Variants in PARD3 observed in about 807,000 individuals in gnomAD.
The protein encoded by PARD3 is partitioning defective 3 homolog.
In PARD3, 75 loss-of-function variants were observed where a neutral mutation model predicts 155.4. The observed-to-expected ratio is 0.48, with a 90% CI of 0.40 to 0.58. The LOEUF is 0.58. Among genes scored for constraint, PARD3 ranks in the 20% least tolerant of loss-of-function variants. PARD3 has a pLI of 0.00. For synonymous variants in PARD3, 576 were observed against 610.5 expected (o/e 0.94, Z 0.83); for missense variants, 1,642 against 1,721.7 (o/e 0.95, Z 0.82).
intron 2 of PARD3, among the ~76,000 whole-genome samples, chr10:34,542,342 G>A (rs983924021): frequency 2.0e-5 from 3 of 152,036 alleles, no homozygotes; most frequent in African/African-American, 7.2e-5. Flanking sequence ...GCCCCCAGGG[G>A]ACACTGGCAG....
At chr10:34,704,664 C>G (rs895153595) in intron 1 of PARD3, among the ~76,000 whole-genome samples, 2 of 152,190 alleles carry the variant, frequency 1.3e-5, no homozygotes, top group African/African-American at 2.4e-5. Context: ...GAAAAGGCAA[C>G]CTCTCCCAAA....
chr10:34,787,704 A>C (rs910215277), intron 1 of PARD3, among the ~76,000 whole-genome samples: 7 of 152,106 alleles, frequency 4.6e-5, no homozygotes, highest in Non-Finnish European at 8.8e-5. Context: ...GTCATAATCC[A>C]GTCAGGCTAG....
chr10:34,552,018 G>A (rs944356451), intron 2 of PARD3, among the ~76,000 whole-genome samples: 3 of 152,328 alleles, frequency 2.0e-5, no homozygotes, highest in East Asian at 1.9e-4. Flanking sequence ...AATAGTGTAT[G>A]TCCAAAATTG....
At chr10:34,720,089 G>A in intron 1 of PARD3, among the ~76,000 whole-genome samples, 1 of 152,304 alleles carries the variant, frequency 6.6e-6, no homozygotes. Flanking sequence ...ATTTCCCCCT[G>A]AAGTAAATAC....
At chr10:34,219,668 GC>G (rs1952181138) in intron 22 of PARD3, among the ~76,000 whole-genome samples, 1 of 152,126 alleles carries the variant, frequency 6.6e-6, no homozygotes. Context: ...ACCTCAGCCT[GC>G]CCCCTGGTTT....
chr10:34,799,548 T>A (rs1207369985), intron 1 of PARD3, among the ~76,000 whole-genome samples: 1 of 152,148 alleles, frequency 6.6e-6, no homozygotes, highest in Non-Finnish European at 1.5e-5. Flanking sequence ...CATAAGCCAT[T>A]CAAGCAAACC....
intron 1 of PARD3, among the ~76,000 whole-genome samples, chr10:34,727,811 C>T (rs539289077): frequency 7.6e-6 from 1 of 131,938 alleles, no homozygotes; most frequent in African/African-American, 2.9e-5. Context: ...CCCCCTCCCT[C>T]CACCACACAC....
At chr10:34,123,231 G>A (rs970720595) in intron 23 of PARD3, among the ~76,000 whole-genome samples, 5 of 152,146 alleles carry the variant, frequency 3.3e-5, no homozygotes, top group African/African-American at 1.2e-4. Flanking sequence ...ACAGGATGCT[G>A]GAGAGCCATG....
chr10:34,709,899 A>C (rs932597492), intron 1 of PARD3, among the ~76,000 whole-genome samples: 1 of 152,122 alleles, frequency 6.6e-6, no homozygotes, highest in Non-Finnish European at 1.5e-5. Flanking sequence ...TGGGAAACCA[A>C]ATTAATTTTA....
At chr10:34,340,653 T>A (rs1836708657) in intron 16 of PARD3, among the ~76,000 whole-genome samples, 1 of 152,154 alleles carries the variant, frequency 6.6e-6, no homozygotes, top group Non-Finnish European at 1.5e-5. Flanking sequence ...CTGTATTTTG[T>A]GTGTTCATGT....
rs1946329263 is a variant in PARD3, at chr10:34,110,116, T to C, written c.*1053A>G. 1 of 152,190 alleles carries C rather than the reference T, an allele frequency of 6.6e-6. No individual in the cohort carries two copies. Among genetic ancestry groups the C allele is most frequent in the Non-Finnish European group, 1.5e-5 (1 of 68,048 alleles). The allele number at this position is 152,190 out of a possible 1,614,324, so 9.4% of individuals were successfully genotyped here. A position where few individuals can be genotyped will look rare whatever the true frequency, so the allele number is the denominator to read the frequency against. ...ACGGCTTTTCCTTTGTCTTTTATGTTTCATGGCAGAACTACTTAGGAGCGC... is the reference window on the plus strand; with the variant it reads ...ACGGCTTTTCCTTTGTCTTTTATGTCTCATGGCAGAACTACTTAGGAGCGC... On this transcript the variant is annotated 3_prime_UTR_variant, in exon 25 of 25. Transcript: ENST00000374788.
At chr10:34,760,321 C>G (rs938332052) in intron 1 of PARD3, among the ~76,000 whole-genome samples, 5 of 152,118 alleles carry the variant, frequency 3.3e-5, no homozygotes, top group African/African-American at 1.2e-4. Context: ...TATGCCTGGT[C>G]CCAATCTACT....
At chr10:34,675,957 C>A in intron 2 of PARD3, 1 of 158,724 alleles carries the variant, frequency 6.3e-6, no homozygotes, top group South Asian at 1.7e-4. Context: ...GCTGGGCCAT[C>A]ATGGACGAGA....
intron 5 of PARD3, among the ~76,000 whole-genome samples, chr10:34,408,580 T>C (rs929652961): frequency 2.0e-5 from 3 of 152,186 alleles, no homozygotes; most frequent in Non-Finnish European, 4.4e-5. Flanking sequence ...GCATTCGTGT[T>C]AATGTCCCAA....
At chr10:34,462,565 G>A (rs1309154407) in intron 4 of PARD3, among the ~76,000 whole-genome samples, 1 of 152,094 alleles carries the variant, frequency 6.6e-6, no homozygotes, top group Non-Finnish European at 1.5e-5. Flanking sequence ...TCAAACTGGT[G>A]CAGGCGCAGT....
chr10:34,417,443 A>G (rs1187626815), intron 5 of PARD3, among the ~76,000 whole-genome samples: 1 of 152,166 alleles, frequency 6.6e-6, no homozygotes, highest in East Asian at 1.9e-4. Context: ...GCTCAACATT[A>G]TATCCCCTTC....
intron 2 of PARD3, among the ~76,000 whole-genome samples, chr10:34,644,318 G>A (rs12251916): frequency 0.017 from 2,601 of 152,240 alleles, 71 homozygotes; most frequent in African/African-American, 0.06. Flanking sequence ...CAGCTCAGTG[G>A]GACTTTTCTA....
chr10:34,598,443 A>C (rs1341986495), intron 2 of PARD3, among the ~76,000 whole-genome samples: 1 of 152,272 alleles, frequency 6.6e-6, no homozygotes, highest in Non-Finnish European at 1.5e-5. Context: ...TATATATCTT[A>C]GTATTCAAAG....
intron 2 of PARD3, among the ~76,000 whole-genome samples, chr10:34,686,774 C>G (rs1421509422): frequency 6.6e-6 from 1 of 151,542 alleles, no homozygotes; most frequent in African/African-American, 2.4e-5. Flanking sequence ...CCAGGCCGGA[C>G]ATGGTGGCTC....
Sources: allele counts gnomAD v4.1 joint callset (sites outside exome capture counted in the v4.1 genomes callset), GRCh38; gene constraint gnomAD v4.1.1; transcripts MANE v1.5; gene names NCBI Gene and HGNC (gene_info 2026-07-23, HGNC 2026-07-21).